RP1: variants seen among roughly 807,000 people sequenced by gnomAD.
RP1 encodes RP1 axonemal microtubule associated.
A neutral mutation model predicts 14.8 loss-of-function variants in RP1; 16 were observed. That is an observed-to-expected ratio of 1.08 (90% CI 0.73 to 1.65). The LOEUF (loss-of-function observed/expected upper bound fraction) is 1.65. Ranked by LOEUF, RP1 falls within the 40% of genes most tolerant of loss-of-function variation. RP1 has a pLI of 0.00. For missense variants in RP1, 2,631 were observed against 2,535.0 expected (o/e 1.04, Z -0.81); for synonymous variants, 876 against 883.6 (o/e 0.99, Z 0.15).
chr8:54,764,172 G>A (rs1333434813), intron 22 of RP1, among the ~76,000 whole-genome samples: 7 of 152,266 alleles, frequency 4.6e-5, no homozygotes, highest in South Asian at 2.1e-4. Flanking sequence ...GCAGGCCTTC[G>A]GGCAAGGCAA....
At chr8:54,633,876 C>G (rs1250246975), downstream of RP1, among the ~76,000 whole-genome samples, 1 of 151,840 alleles carries the variant, frequency 6.6e-6, no homozygotes, top group Non-Finnish European at 1.5e-5. Context: ...TGTGTATTAT[C>G]TTAGTCCTCA....
intron 24 of RP1, among the ~76,000 whole-genome samples, chr8:54,809,251 G>A (rs1043227570): frequency 3.3e-5 from 5 of 152,100 alleles, no homozygotes; most frequent in African/African-American, 9.7e-5. Context: ...CTGCTAACAT[G>A]GTATGCCATC....
chr8:54,700,428 T>C (rs1429921207), intron 13 of RP1, among the ~76,000 whole-genome samples: 1 of 152,022 alleles, frequency 6.6e-6, no homozygotes, highest in Non-Finnish European at 1.5e-5. Context: ...ACCTTGTGTA[T>C]TTGTATGCCT....
rs76826958 is a variant in RP1 at position 54,664,227 on chromosome 8, T to C, written c.1323+377T>C. Among the ~76,000 whole-genome samples the C allele has an allele frequency of 6.1e-3, 927 of 152,286 alleles. 6 individuals carry two copies. The highest frequency in any genetic ancestry group is 0.019 in the African/African-American group (791 of 41,560). On this transcript the variant is annotated intron_variant, in intron 7 of 22. Coordinates refer to the RP1 transcript ENST00000636932. ...ATAGCATGTGACAGTATTTCCTTTC[T>C]TTTTAAGGCTGAATAATACTCCATT...
At chr8:54,844,022 G>A (rs1811855196) in intron 25 of RP1, among the ~76,000 whole-genome samples, 1 of 152,214 alleles carries the variant, frequency 6.6e-6, no homozygotes, top group African/African-American at 2.4e-5. Context: ...ATAAGGCTGA[G>A]GGCATCAGTG....
At chr8:54,816,795 C>T (rs1811142043) in intron 24 of RP1, among the ~76,000 whole-genome samples, 1 of 152,196 alleles carries the variant, frequency 6.6e-6, no homozygotes, top group East Asian at 1.9e-4. Flanking sequence ...GAGGGAACCA[C>T]CTATCTTTTC....
chr8:54,575,632 T>G (rs957186298), intron 1 of RP1, among the ~76,000 whole-genome samples: 1 of 152,190 alleles, frequency 6.6e-6, no homozygotes, highest in Non-Finnish European at 1.5e-5. Flanking sequence ...TCTTTTTAAC[T>G]TTTATTTTTA....
At chr8:54,600,347 AT>A (rs1435892402) in intron 1 of RP1, among the ~76,000 whole-genome samples, 1 of 152,146 alleles carries the variant, frequency 6.6e-6, no homozygotes, top group Non-Finnish European at 1.5e-5. Flanking sequence ...CTCTTTCTTT[AT>A]AAATTACCGA....
chr8:54,767,852 G>A (rs1015191903), intron 22 of RP1, among the ~76,000 whole-genome samples: 5 of 152,216 alleles, frequency 3.3e-5, no homozygotes, highest in African/African-American at 1.2e-4. Context: ...AGGCTCCAGA[G>A]GAGGAAAGAA....
intron 1 of RP1, among the ~76,000 whole-genome samples, chr8:54,586,101 C>T (rs1200945244): frequency 1.3e-5 from 2 of 152,174 alleles, no homozygotes; most frequent in Non-Finnish European, 2.9e-5. Context: ...AGTTTTTCTG[C>T]TCTGTTTTTT....
intron 19 of RP1, among the ~76,000 whole-genome samples, chr8:54,752,354 T>C (rs900222418): frequency 6.6e-6 from 1 of 152,196 alleles, no homozygotes; most frequent in Non-Finnish European, 1.5e-5. Flanking sequence ...GTCGTAGTTA[T>C]GGTGAGTTAA....
chr8:54,598,565 T>C (rs142707332), intron 1 of RP1, among the ~76,000 whole-genome samples: 115 of 152,330 alleles, frequency 7.5e-4, no homozygotes, highest in African/African-American at 2.7e-3. Context: ...CTGTTGTCCT[T>C]TTTTCTTTCC....
chr8:54,768,898 T>TTC (rs1491129832), intron 22 of RP1, among the ~76,000 whole-genome samples: 7 of 122,884 alleles, frequency 5.7e-5, no homozygotes, highest in African/African-American at 2.9e-4. Context: ...GGTTATATTC[T>TTC]TTTTTTTTTT....
intron 6 of RP1, among the ~76,000 whole-genome samples, chr8:54,657,108 A>C (rs1265597418): frequency 1.3e-5 from 2 of 152,292 alleles, no homozygotes; most frequent in African/African-American, 4.8e-5. Flanking sequence ...GAATAGCCCT[A>C]GTTACTGAAA....
At chr8:54,717,293 T>C (rs964241069) in intron 15 of RP1, among the ~76,000 whole-genome samples, 1 of 152,226 alleles carries the variant, frequency 6.6e-6, no homozygotes, top group Middle Eastern at 3.2e-3. Flanking sequence ...CAAAGATGTT[T>C]TTGCTCTAGG....
At chr8:54,720,096 C>T (rs1808498906) in intron 15 of RP1, 2 of 1,425,900 alleles carry the variant, frequency 1.4e-6, no homozygotes, top group African/African-American at 1.4e-5. Context: ...AGGACTTGCT[C>T]ACATTTATTG....
intron 15 of RP1, among the ~76,000 whole-genome samples, chr8:54,716,648 A>G (rs1469907213): frequency 6.6e-6 from 1 of 152,176 alleles, no homozygotes; most frequent in Non-Finnish European, 1.5e-5. Flanking sequence ...TAGCAAATCC[A>G]GCCCTCTCCC....
chr8:54,583,868 A>G (rs950400097), intron 1 of RP1, among the ~76,000 whole-genome samples: 9 of 151,780 alleles, frequency 5.9e-5, no homozygotes, highest in Non-Finnish European at 8.8e-5. Flanking sequence ...ATTTTTTATT[A>G]CGTCTATTTG....
At chr8:54,622,096 A>AATG in intron 2 of RP1, 21 bp from the exon 3 acceptor site, 1 of 1,613,666 alleles carries the variant, frequency 6.2e-7, no homozygotes, top group Non-Finnish European at 8.5e-7. Flanking sequence ...ATCTCAGGAT[A>AATG]ATGACTCTGG....
Sources: allele counts gnomAD v4.1 joint callset (sites outside exome capture counted in the v4.1 genomes callset), GRCh38; gene constraint gnomAD v4.1.1; transcripts MANE v1.5; gene names NCBI Gene and HGNC (gene_info 2026-07-23, HGNC 2026-07-21).